The following ACVR2B variants were observed in gnomAD, a reference collection of about 807,000 sequenced individuals.
ACVR2B encodes activin A receptor type 2B.
Under a neutral mutation model 65.1 loss-of-function variants are expected in ACVR2B, and 18 were observed. That is an observed-to-expected ratio of 0.28 (90% CI 0.19 to 0.41). The LOEUF (loss-of-function observed/expected upper bound fraction) is 0.41. ACVR2B is among the 10% of genes least tolerant of loss of function. ACVR2B has a pLI of 1.00. For synonymous variants in ACVR2B, 298 were observed against 277.7 expected (o/e 1.07, Z -0.73); for missense variants, 482 against 682.7 (o/e 0.71, Z 3.28).
At chr3:38,467,704 A>AT (rs542814030) in intron 1 of ACVR2B, among the ~76,000 whole-genome samples, 1 of 151,492 alleles carries the variant, frequency 6.6e-6, no homozygotes, top group Non-Finnish European at 1.5e-5. Flanking sequence ...GTGAGCTGTG[A>AT]TTGAGTCACT....
At position 38,487,156 on chromosome 3, in the gene ACVR2B, C is replaced by G. The variant is rs1213899747; in HGVS notation, c.*3824C>G. ...CTGCTCTGGAGAGGAGCCTGTGGGA[C>G]CAGTCCTGCCTGGGGAGGGCATACC... On this transcript the variant is annotated 3_prime_UTR_variant, in exon 11 of 11. Transcript: ENST00000352511. 1 of 152,330 alleles carries G rather than the reference C, an allele frequency of 6.6e-6. No homozygotes were observed. Among genetic ancestry groups the G allele is most frequent in the Non-Finnish European group, 1.5e-5 (1 of 68,150 alleles). The allele number at this position is 152,330 out of a possible 1,614,324, so 9.4% of individuals were successfully genotyped here. A position where few individuals can be genotyped will look rare whatever the true frequency, so the allele number is the denominator to read the frequency against.
chr3:38,461,755 T>G (rs974804794), intron 1 of ACVR2B, among the ~76,000 whole-genome samples: 1 of 152,164 alleles, frequency 6.6e-6, no homozygotes, highest in African/African-American at 2.4e-5. Context: ...TTGCAGAAAT[T>G]TAGATGTTAC....
rs2125733565 is a variant in ACVR2B, at chr3:38,492,003, A to T, written c.*8671A>T. The stretch of plus-strand genomic sequence containing the variant: ...TAATATTTTTCCACATTTGTCCTTG[A>T]ATCTGAATAACTTTATACAGTACTG... On this transcript the variant is annotated 3_prime_UTR_variant, in exon 11 of 11. Coordinates refer to ENST00000352511, the MANE Select transcript of ACVR2B (RefSeq NM_001106.4). 1 of 152,344 alleles carries T rather than the reference A, an allele frequency of 6.6e-6. No homozygotes were observed. Among genetic ancestry groups the T allele is most frequent in the Middle Eastern group, 3.4e-3 (1 of 294 alleles). 9.4% of individuals were successfully genotyped at this position (152,344 alleles called of 1,614,324 possible). A position where few individuals can be genotyped will look rare whatever the true frequency, so the allele number is the denominator to read the frequency against.
Position 38,482,263 on chromosome 3 carries a change from C to T in ACVR2B, c.1140C>T (p.Ala380=), listed in dbSNP as rs149695736. Residue 380 remains alanine, a synonymous_variant, in exon 9 of 11, where the codon GCC becomes GCT. Transcript: ENST00000352511. Reference sequence around the variant, plus strand: ...GAGCCATCAACTTCCAGAGAGATGCCTTCCTGCGCATTGACATGTATGCCA... The same window carrying T: ...GAGCCATCAACTTCCAGAGAGATGCTTTCCTGCGCATTGACATGTATGCCA... ...LEGAINFQRD[A]FLRIDMYAMG... The T allele has an allele frequency of 1.4e-4, 220 of 1,613,354 alleles. No homozygotes were observed. In the African/African-American group the frequency reaches 2.8e-3, roughly 20 times the overall value.
At position 38,487,858 on chromosome 3, in the gene ACVR2B, G is replaced by T. The variant is rs2125730550; in HGVS notation, c.*4526G>T. Reference sequence around the variant, plus strand: ...ACTAGAAAAATATACTAATTGGAAAGCAGTTTCCAGGAGTTAACTCAGTTT... The same window carrying T: ...ACTAGAAAAATATACTAATTGGAAATCAGTTTCCAGGAGTTAACTCAGTTT... On this transcript the variant is annotated 3_prime_UTR_variant, in exon 11 of 11. Transcript: ENST00000352511. The T allele has an allele frequency of 6.6e-6, 1 of 152,308 alleles. No individual in the cohort carries two copies. Among genetic ancestry groups the T allele is most frequent in the Non-Finnish European group, 1.5e-5 (1 of 68,032 alleles). The allele number at this position is 152,308 out of a possible 1,614,324, so 9.4% of individuals were successfully genotyped here. A position where few individuals can be genotyped will look rare whatever the true frequency, so the allele number is the denominator to read the frequency against.
intron 1 of ACVR2B, among the ~76,000 whole-genome samples, chr3:38,471,487 G>A (rs796190275): frequency 1.5e-4 from 23 of 152,104 alleles, no homozygotes; most frequent in African/African-American, 5.1e-4. Context: ...GCCAAGAAAC[G>A]CCCACACATG....
intron 1 of ACVR2B, among the ~76,000 whole-genome samples, chr3:38,470,723 A>C (rs1276091956): frequency 6.6e-6 from 1 of 152,246 alleles, no homozygotes; most frequent in Admixed American, 6.5e-5. Context: ...TGGAAGAGTC[A>C]TTAGAGTTTA....
chr3:38,466,998 A>C (rs1205463436), intron 1 of ACVR2B, among the ~76,000 whole-genome samples: 5 of 152,228 alleles, frequency 3.3e-5, no homozygotes, highest in Non-Finnish European at 4.4e-5. Context: ...CAACAATGCT[A>C]TCTGTGAGAG....
At chr3:38,462,104 G>A (rs1709658026) in intron 1 of ACVR2B, among the ~76,000 whole-genome samples, 1 of 152,180 alleles carries the variant, frequency 6.6e-6, no homozygotes, top group African/African-American at 2.4e-5. Context: ...TGAGGCAGGA[G>A]AATGGCGTGA....
intron 1 of ACVR2B, among the ~76,000 whole-genome samples, chr3:38,455,908 G>C (rs1709542436): frequency 6.6e-6 from 1 of 152,186 alleles, no homozygotes; most frequent in South Asian, 2.1e-4. Flanking sequence ...ACTGCCTCCA[G>C]ACCCGCTGGG....
At chr3:38,459,732 G>A (rs926539924) in intron 1 of ACVR2B, 21 of 938,632 alleles carry the variant, frequency 2.2e-5, no homozygotes, top group Non-Finnish European at 2.4e-5. Flanking sequence ...TGGCCAGATG[G>A]GAATCTGAGG....
Position 38,492,427 on chromosome 3 carries a change from T to A in ACVR2B, c.*9095T>A, listed in dbSNP as rs2059816807. ...AAACTCTGGAAATGTGACTAGTATA[T>A]GATTTAAGGCTGTAGAAGCAAGGAA... On this transcript the variant is annotated 3_prime_UTR_variant, in exon 11 of 11. Transcript: ENST00000352511. 6.6e-6 allele frequency: 1 copy of A among 152,568 alleles called. No homozygotes were observed. The highest frequency in any genetic ancestry group is 2.4e-5 in the African/African-American group (1 of 41,430). 9.5% of individuals were successfully genotyped at this position (152,568 alleles called of 1,614,324 possible).
chr3:38,479,088 C>T (rs1709967395), intron 5 of ACVR2B, 40 bp from the exon 6 acceptor site: 9 of 1,612,948 alleles, frequency 5.6e-6, no homozygotes, highest in Non-Finnish European at 7.6e-6. Context: ...CAGGGCTAAG[C>T]CAGCCACTTG....
chr3:38,463,159 G>A (rs73063295), intron 1 of ACVR2B, among the ~76,000 whole-genome samples: 8,207 of 152,226 alleles, frequency 0.054, 398 homozygotes, highest in East Asian at 0.19. Flanking sequence ...GAGGGAGGTA[G>A]CACTGGACTA....
At chr3:38,460,698 G>A (rs1459992183) in intron 1 of ACVR2B, among the ~76,000 whole-genome samples, 1 of 152,226 alleles carries the variant, frequency 6.6e-6, no homozygotes, top group Non-Finnish European at 1.5e-5. Flanking sequence ...CAAATGTGAG[G>A]CCCTCTTCCC....
chr3:38,471,060 G>A (rs1709809935), intron 1 of ACVR2B, among the ~76,000 whole-genome samples: 1 of 152,092 alleles, frequency 6.6e-6, no homozygotes, highest in African/African-American at 2.4e-5. Context: ...GTTAGAAAAG[G>A]TAATTTTCTC....
chr3:38,459,089 C>T (rs887417699), intron 1 of ACVR2B, among the ~76,000 whole-genome samples: 4 of 152,288 alleles, frequency 2.6e-5, no homozygotes, highest in East Asian at 1.9e-4. Flanking sequence ...AATGTTCTCA[C>T]GCTTTCAAAG....
intron 1 of ACVR2B, chr3:38,454,951 C>T (rs1239566535): frequency 6.6e-6 from 1 of 152,170 alleles, no homozygotes; most frequent in Non-Finnish European, 1.5e-5. Flanking sequence ...GCCGTTGGCC[C>T]CGGGATGCGG....
chr3:38,468,890 A>G (rs1709775365), intron 1 of ACVR2B, among the ~76,000 whole-genome samples: 1 of 152,160 alleles, frequency 6.6e-6, no homozygotes, highest in Admixed American at 6.5e-5. Flanking sequence ...TTTGTGTATA[A>G]TCCTTGACCT....
Sources: allele counts gnomAD v4.1 joint callset (sites outside exome capture counted in the v4.1 genomes callset), GRCh38; gene constraint gnomAD v4.1.1; transcripts MANE v1.5; gene names NCBI Gene and HGNC (gene_info 2026-07-23, HGNC 2026-07-21).